Variants in GLI3 observed in about 807,000 individuals in gnomAD.
The protein encoded by GLI3 is transcription activator GLI3.
In GLI3, 20 loss-of-function variants were observed where a neutral mutation model predicts 100.8. The ratio of observed to expected loss-of-function variants is 0.20; its 90% CI spans 0.14 to 0.29. GLI3 has a LOEUF of 0.29. Ranked by LOEUF, GLI3 falls within the 10% of genes least tolerant of loss-of-function variation. GLI3 has a pLI of 1.00. For missense variants in GLI3, 2,040 were observed against 2,128.5 expected (o/e 0.96, Z 0.82); for synonymous variants, 938 against 860.5 (o/e 1.09, Z -1.58).
At chr7:42,094,216 G>A (rs142714723) in intron 3 of GLI3, among the ~76,000 whole-genome samples, 2 of 152,270 alleles carry the variant, frequency 1.3e-5, no homozygotes, top group African/African-American at 4.8e-5. Context: ...AGTTTAGACA[G>A]GACAATTAGA....
intron 1 of GLI3, among the ~76,000 whole-genome samples, chr7:42,245,926 A>G (rs1172641919): frequency 6.6e-6 from 1 of 151,690 alleles, no homozygotes; most frequent in South Asian, 2.1e-4. Context: ...AAAGGAAACC[A>G]TGAGGGGAGA....
intron 2 of GLI3, among the ~76,000 whole-genome samples, chr7:42,173,450 C>T (rs899284003): frequency 2.0e-5 from 3 of 152,068 alleles, no homozygotes; most frequent in Non-Finnish European, 2.9e-5. Context: ...ATCCAGGTAA[C>T]GAGGGTACTG....
chr7:42,027,143 C>T (rs937608758), intron 7 of GLI3, among the ~76,000 whole-genome samples: 1 of 152,182 alleles, frequency 6.6e-6, no homozygotes, highest in Non-Finnish European at 1.5e-5. Flanking sequence ...TTATGCCACA[C>T]TATTTCCCAG....
intron 3 of GLI3, chr7:42,118,290 A>G: frequency 2.5e-6 from 1 of 398,724 alleles, no homozygotes; most frequent in African/African-American, 2.1e-5. Flanking sequence ...CTATGGACTA[A>G]GCAGTTTTTA....
intron 1 of GLI3, among the ~76,000 whole-genome samples, chr7:42,260,447 T>C (rs1789126510): frequency 6.6e-6 from 1 of 152,240 alleles, no homozygotes; most frequent in Non-Finnish European, 1.5e-5. Context: ...ATTATATTTT[T>C]AAAAGAGTAT....
At chr7:42,228,115 G>C (rs12701951) in intron 1 of GLI3, among the ~76,000 whole-genome samples, 3 of 151,924 alleles carry the variant, frequency 2.0e-5, no homozygotes, top group South Asian at 2.1e-4. Context: ...CGGGCGCGCC[G>C]GGCCCGCGCA....
intron 2 of GLI3, among the ~76,000 whole-genome samples, chr7:42,171,835 C>A (rs1787378975): frequency 6.6e-6 from 1 of 152,278 alleles, no homozygotes; most frequent in African/African-American, 2.4e-5. Context: ...AAAGAAAAGA[C>A]CCAAGACTGT....
Position 41,965,054 on chromosome 7 carries a change from G to C in GLI3, c.4019C>G (p.Pro1340Arg), listed in dbSNP as rs1173615111. 2 of 1,613,778 alleles carry C rather than the reference G, an allele frequency of 1.2e-6. No individual in the cohort carries two copies. The highest frequency in any genetic ancestry group is 1.7e-5 in the Admixed American group (1 of 60,010). The stretch of plus-strand genomic sequence containing the variant: ...AATCTGCCCAAGCATCTGCTGACCG[G>C]GGCGGCCTGCCCCCGGGTGCTGCAT... ...DSMQHPGAGR[P>R]GQQMLGQISA... Residue 1340 changes from proline to arginine, a missense_variant, in exon 15 of 15, where the codon CCC becomes CGC. Around this residue, in one of 5 missense-constraint regions of GLI3, gnomAD observed 1,041 missense variants for 924.0 expected, o/e 1.13. Coordinates refer to ENST00000395925, the MANE Select transcript of GLI3 (RefSeq NM_000168.6).
At chr7:41,997,027 C>T (rs1430918941) in intron 10 of GLI3, among the ~76,000 whole-genome samples, 2 of 152,164 alleles carry the variant, frequency 1.3e-5, no homozygotes, top group African/African-American at 2.4e-5. Flanking sequence ...ATTTTTATTT[C>T]TTCATATGGG....
chr7:41,974,696 A>G (rs1787461091), intron 12 of GLI3, among the ~76,000 whole-genome samples: 1 of 152,252 alleles, frequency 6.6e-6, no homozygotes, highest in African/African-American at 2.4e-5. Flanking sequence ...ATCTGGGCTT[A>G]ATGCCCAGCT....
chr7:42,095,143 C>T (rs1382779966), intron 3 of GLI3, among the ~76,000 whole-genome samples: 1 of 152,186 alleles, frequency 6.6e-6, no homozygotes, highest in Non-Finnish European at 1.5e-5. Flanking sequence ...ATCGGTCCTC[C>T]AACTTGACCT....
intron 3 of GLI3, among the ~76,000 whole-genome samples, chr7:42,104,131 A>G (rs1331758275): frequency 6.6e-6 from 1 of 152,206 alleles, no homozygotes; most frequent in Non-Finnish European, 1.5e-5. Flanking sequence ...AGCATTGAAA[A>G]ATAAAATGGT....
At chr7:42,110,488 T>G (rs1237511122) in intron 3 of GLI3, among the ~76,000 whole-genome samples, 2 of 152,132 alleles carry the variant, frequency 1.3e-5, no homozygotes, top group East Asian at 3.9e-4. Context: ...CCACATACAA[T>G]CACCTACTTT....
In GLI3 at chr7:41,962,037, A is replaced by T. The variant is rs546617661; in HGVS notation, c.*2293T>A. ...AAAATAACCTGAAACCATAGGAAAG[A>T]GCAGAAGCACAAGACAACAACAGTG... is the stretch of plus-strand genomic sequence containing the variant. On this transcript the variant is annotated 3_prime_UTR_variant, in exon 15 of 15. Transcript: ENST00000395925. 1 of 152,242 alleles carries T rather than the reference A, an allele frequency of 6.6e-6. No individual in the cohort carries two copies. Among genetic ancestry groups the T allele is most frequent in the African/African-American group, 2.4e-5 (1 of 41,454 alleles). 9.4% of individuals were successfully genotyped at this position (152,242 alleles called of 1,614,324 possible).
At chr7:42,165,352 C>T (rs776612597) in intron 2 of GLI3, among the ~76,000 whole-genome samples, 1 of 152,142 alleles carries the variant, frequency 6.6e-6, no homozygotes, top group Non-Finnish European at 1.5e-5. Flanking sequence ...TGTGAACTAT[C>T]TTTCTACATG....
chr7:41,991,528 A>G (rs1365263115), intron 10 of GLI3, among the ~76,000 whole-genome samples: 2 of 152,324 alleles, frequency 1.3e-5, no homozygotes, highest in Admixed American at 6.5e-5. Flanking sequence ...TATCCACTAC[A>G]TGTTCTATAC....
Position 42,064,932 on chromosome 7 carries a change from T to C in GLI3, c.473+11820A>G, listed in dbSNP as rs76638670. Among the ~76,000 whole-genome samples, 351 of 152,198 alleles carry C rather than the reference T, an allele frequency of 2.3e-3. 2 individuals are homozygous for C. Among genetic ancestry groups the C allele is most frequent in the African/African-American group, 7.8e-3 (326 of 41,538 alleles). On this transcript the variant is annotated intron_variant, in intron 4 of 14. Coordinates refer to ENST00000395925, the MANE Select transcript of GLI3 (RefSeq NM_000168.6). ...TGTGCTCCAATGATGCACAGCCATA[T>C]TGGGGGCTCACAGAGGTCAGACCCC...
intron 2 of GLI3, among the ~76,000 whole-genome samples, chr7:42,202,137 T>C (rs1280433216): frequency 6.6e-6 from 1 of 151,584 alleles, no homozygotes; most frequent in Non-Finnish European, 1.5e-5. Flanking sequence ...CTGTCATATA[T>C]GCAGTCCATT....
Position 42,088,417 on chromosome 7 carries a change from C to T in GLI3, c.368-11560G>A, listed in dbSNP as rs184283037. ...TCTTGTTGGCTACCCTTCCCTTCCT[C>T]GCAATCTCATCTGGCTTCCTATTTT... On this transcript the variant is annotated intron_variant, in intron 3 of 14. Coordinates refer to ENST00000395925, the MANE Select transcript of GLI3 (RefSeq NM_000168.6). 1.1e-4 allele frequency among the ~76,000 whole-genome samples: 16 copies of T among 152,354 alleles called. No homozygotes were observed. The East Asian group carries it at 1.4e-3, about 13-fold the overall frequency.
Sources: allele counts gnomAD v4.1 joint callset (sites outside exome capture counted in the v4.1 genomes callset), GRCh38; gene constraint gnomAD v4.1.1; regional missense constraint gnomAD v4.1.1; transcripts MANE v1.5; gene names NCBI Gene and HGNC (gene_info 2026-07-23, HGNC 2026-07-21).